Variants in RBFOX1 observed in about 807,000 individuals in gnomAD.
The protein encoded by RBFOX1 is RNA binding protein fox-1 homolog 1.
Under a neutral mutation model 57.7 loss-of-function variants are expected in RBFOX1, and 8 were observed. The ratio of observed to expected loss-of-function variants is 0.14; its 90% confidence interval spans 0.08 to 0.25. The LOEUF is 0.25. Among genes scored for constraint, RBFOX1 ranks in the 10% least tolerant of loss-of-function variants. The probability of loss-of-function intolerance (pLI) is 1.00; values close to 1 mark genes in which losing one functional copy is unlikely to be tolerated. For missense variants in RBFOX1, 611 were observed against 548.5 expected (o/e 1.11, Z -1.14); for synonymous variants, 326 against 222.4 (o/e 1.47, Z -4.15).
At chr16:7,299,181 T>C (rs1240052363) in intron 4 of RBFOX1, among the ~76,000 whole-genome samples, 1 of 152,242 alleles carries the variant, frequency 6.6e-6, no homozygotes, top group African/African-American at 2.4e-5. Flanking sequence ...GGTTACCCAT[T>C]TCTCCACAGT....
intron 2 of RBFOX1, among the ~76,000 whole-genome samples, chr16:5,484,651 A>C (rs1347539692): frequency 6.6e-6 from 1 of 152,220 alleles, no homozygotes; most frequent in African/African-American, 2.4e-5. Flanking sequence ...GGTGGCTCAC[A>C]CCTGTAATTC....
At chr16:7,601,611 A>G (rs1314258611) in intron 9 of RBFOX1, among the ~76,000 whole-genome samples, 1 of 152,130 alleles carries the variant, frequency 6.6e-6, no homozygotes, top group Non-Finnish European at 1.5e-5. Context: ...ATATTTATCT[A>G]CGAGGAAAAA....
chr16:5,428,911 T>TAAGGTATAAGGTGATCTTTATGGCA (rs1211585372), intron 1 of RBFOX1, among the ~76,000 whole-genome samples: 4 of 152,116 alleles, frequency 2.6e-5, no homozygotes, highest in Non-Finnish European at 5.9e-5. Flanking sequence ...ATTTACTCAG[T>TAAGGTATAAGGTGATCTTTATGGCA]AAGGTATAAG....
intron 1 of RBFOX1, among the ~76,000 whole-genome samples, chr16:5,380,444 C>G (rs1025202664): frequency 2.1e-4 from 32 of 152,176 alleles, no homozygotes; most frequent in African/African-American, 7.7e-4. Flanking sequence ...CTAAGGTCTG[C>G]TGTGATCGTC....
intron 12 of RBFOX1, among the ~76,000 whole-genome samples, chr16:7,661,936 C>A (rs888743577): frequency 3.9e-5 from 6 of 152,178 alleles, no homozygotes; most frequent in African/African-American, 1.4e-4. Context: ...AACATCCCGG[C>A]ATGTTCTTTC....
intron 5 of RBFOX1, among the ~76,000 whole-genome samples, chr16:7,559,894 T>A (rs1428998211): frequency 1.3e-5 from 2 of 152,210 alleles, no homozygotes; most frequent in Non-Finnish European, 2.9e-5. Context: ...CAAGGTCAAA[T>A]AGTTGTCTTT....
At chr16:6,664,423 T>A (rs574002464) in intron 3 of RBFOX1, among the ~76,000 whole-genome samples, 1 of 152,330 alleles carries the variant, frequency 6.6e-6, no homozygotes, top group South Asian at 2.1e-4. Flanking sequence ...TGCGCGGTCA[T>A]CTAGCGTCAG....
intron 1 of RBFOX1, among the ~76,000 whole-genome samples, chr16:6,247,051 C>G (rs969485501): frequency 1.3e-5 from 2 of 152,144 alleles, no homozygotes; most frequent in African/African-American, 4.8e-5. Context: ...GCCTGGGCAA[C>G]AAGAGTGGAA....
At chr16:6,377,547 G>A (rs536411476) in intron 2 of RBFOX1, among the ~76,000 whole-genome samples, 164 of 152,196 alleles carry the variant, frequency 1.1e-3, no homozygotes, top group Admixed American at 1.0e-3. Flanking sequence ...GCCTGCCTGC[G>A]TAGAATCAAG....
chr16:7,076,820 G>C (rs1302071268), intron 4 of RBFOX1, among the ~76,000 whole-genome samples: 2 of 152,142 alleles, frequency 1.3e-5, no homozygotes, highest in African/African-American at 4.8e-5. Context: ...TACCTCCTGT[G>C]AGCCCTGGGG....
At chr16:7,263,847 C>T (rs1049475412) in intron 4 of RBFOX1, among the ~76,000 whole-genome samples, 1 of 151,048 alleles carries the variant, frequency 6.6e-6, no homozygotes, top group East Asian at 1.9e-4. Flanking sequence ...TTGTGGTGAG[C>T]TGAGATTGCA....
At chr16:6,860,589 A>C (rs1012492623) in intron 3 of RBFOX1, among the ~76,000 whole-genome samples, 9 of 152,326 alleles carry the variant, frequency 5.9e-5, no homozygotes, top group Non-Finnish European at 1.3e-4. Context: ...CACATAGAAG[A>C]TTCATTGTGG....
At chr16:6,840,897 A>AG (rs1555518571) in intron 3 of RBFOX1, among the ~76,000 whole-genome samples, 1 of 137,498 alleles carries the variant, frequency 7.3e-6, no homozygotes, top group Admixed American at 7.7e-5. Flanking sequence ...CAAAAAAAAA[A>AG]AAAAAAACGA....
intron 4 of RBFOX1, among the ~76,000 whole-genome samples, chr16:7,428,166 T>C (rs372936009): frequency 5.9e-5 from 9 of 152,280 alleles, no homozygotes; most frequent in African/African-American, 2.2e-4. Flanking sequence ...CGTTGCATGA[T>C]AGTGCTTACG....
intron 4 of RBFOX1, among the ~76,000 whole-genome samples, chr16:7,160,768 C>G (rs984969794): frequency 4.6e-5 from 7 of 151,158 alleles, no homozygotes; most frequent in African/African-American, 1.7e-4. Context: ...TCCTCCTCCT[C>G]CGCCTCCCCC....
chr16:7,488,264 T>C (rs1335340735), intron 4 of RBFOX1, among the ~76,000 whole-genome samples: 7 of 152,224 alleles, frequency 4.6e-5, no homozygotes, highest in Non-Finnish European at 7.3e-5. Context: ...TCTGGCATGG[T>C]GAAAGGGATG....
At chr16:5,635,360 T>C (rs371973945) in intron 3 of RBFOX1, among the ~76,000 whole-genome samples, 13 of 152,182 alleles carry the variant, frequency 8.5e-5, no homozygotes, top group African/African-American at 9.7e-5. Context: ...TCTCTCTGAA[T>C]GTGGTTCTCT....
rs1253007777 is a variant in RBFOX1 at position 7,155,746 on chromosome 16, C to T, written c.27+103648C>T. 3.0e-3 allele frequency among the ~76,000 whole-genome samples: 408 copies of T among 134,920 alleles called. 3 individuals carry two copies. The highest frequency in any genetic ancestry group is 0.012 in the African/African-American group (390 of 33,900). The allele number at this position is 134,920 out of a possible 152,430, so 88.5% of individuals were successfully genotyped here. A position where few individuals can be genotyped will look rare whatever the true frequency, so the allele number is the denominator to read the frequency against. On this transcript the variant is annotated intron_variant, in intron 4 of 15. Transcript: ENST00000550418. ...ATATATATATATATATATACACACA[C>T]ACACACACACACACACACATATATA... is the stretch of plus-strand genomic sequence containing the variant.
At chr16:7,637,621 G>C (rs2061986487) in intron 11 of RBFOX1, among the ~76,000 whole-genome samples, 1 of 152,140 alleles carries the variant, frequency 6.6e-6, no homozygotes, top group Admixed American at 6.5e-5. Flanking sequence ...TCAGTGGGCT[G>C]GACTCAGTTA....
Sources: allele counts gnomAD v4.1 joint callset (sites outside exome capture counted in the v4.1 genomes callset), GRCh38; gene constraint gnomAD v4.1.1; transcripts MANE v1.5; gene names NCBI Gene and HGNC (gene_info 2026-07-23, HGNC 2026-07-21).